Variants in RNF115 observed in about 807,000 individuals in gnomAD.
The protein encoded by RNF115 is E3 ubiquitin-protein ligase RNF115.
A neutral mutation model predicts 39.2 loss-of-function variants in RNF115; 31 were observed. The observed-to-expected ratio is 0.79, with a 90% CI of 0.59 to 1.07. The LOEUF (loss-of-function observed/expected upper bound fraction) is 1.07, where lower values mean the gene tolerates loss of function less well. RNF115 is among the 50% of genes least tolerant of loss of function. The probability of loss-of-function intolerance (pLI) is 0.00; values close to 1 mark genes in which losing one functional copy is unlikely to be tolerated. For synonymous variants in RNF115, 124 were observed against 131.0 expected, an observed-to-expected ratio of 0.95 and a Z score of 0.37; for missense variants, 384 against 381.7, an observed-to-expected ratio of 1.01 and a Z score of -0.05.
intron 3 of RNF115, among the ~76,000 whole-genome samples, chr1:145,780,492 C>T (rs1390538849): frequency 5.3e-5 from 8 of 151,138 alleles, no homozygotes; most frequent in African/African-American, 1.2e-4. Context: ...TGGTGGCACG[C>T]GCCTGTGGTC....
chr1:145,816,406 G>A (rs2101611853), intron 1 of RNF115, among the ~76,000 whole-genome samples: 1 of 50,382 alleles, frequency 2.0e-5, no homozygotes, highest in South Asian at 9.2e-4. Context: ...TATCTGAGTG[G>A]ATCCAACCCA....
intron 4 of RNF115, among the ~76,000 whole-genome samples, chr1:145,755,684 G>T (rs782414983): frequency 3.3e-5 from 5 of 152,126 alleles, no homozygotes; most frequent in Non-Finnish European, 7.4e-5. Flanking sequence ...CAGTGGGGCA[G>T]AAGTTAAAAG....
intron 1 of RNF115, among the ~76,000 whole-genome samples, chr1:145,795,247 C>T (rs1648916902): frequency 6.6e-6 from 1 of 151,998 alleles, no homozygotes; most frequent in Admixed American, 6.6e-5. Flanking sequence ...GCCACAGACC[C>T]TCCAGGTGAG....
intron 4 of RNF115, among the ~76,000 whole-genome samples, chr1:145,757,296 G>A (rs1170053566): frequency 6.6e-6 from 1 of 152,000 alleles, no homozygotes; most frequent in Admixed American, 6.6e-5. Context: ...CAGCTTTTTG[G>A]GGGACACAAT....
At chr1:145,808,323 C>T (rs1312872119) in intron 1 of RNF115, among the ~76,000 whole-genome samples, 4 of 152,036 alleles carry the variant, frequency 2.6e-5, no homozygotes, top group Non-Finnish European at 5.9e-5. Context: ...TTAAGAGTTC[C>T]CTTTCTTCCA....
chr1:145,799,783 T>A (rs587610130), intron 1 of RNF115, among the ~76,000 whole-genome samples: 1 of 152,090 alleles, frequency 6.6e-6, no homozygotes, highest in Non-Finnish European at 1.5e-5. Flanking sequence ...TTGCAGAGAT[T>A]AGGTCTCACT....
chr1:145,792,210 G>A (rs1553719095), intron 1 of RNF115, among the ~76,000 whole-genome samples: 1 of 152,170 alleles, frequency 6.6e-6, no homozygotes, highest in Admixed American at 6.5e-5. Context: ...GAAACACTGT[G>A]CCCAGTTCAA....
chr1:145,754,236 T>C (rs1313615426), intron 4 of RNF115, among the ~76,000 whole-genome samples: 1 of 152,216 alleles, frequency 6.6e-6, no homozygotes, highest in East Asian at 1.9e-4. Flanking sequence ...TATGTATGCA[T>C]TGTGGAATGA....
chr1:145,751,533 A>G (rs1658088530), intron 5 of RNF115, 23 bp from the exon 6 acceptor site: 2 of 1,554,324 alleles, frequency 1.3e-6, no homozygotes, highest in Non-Finnish European at 8.8e-7. Flanking sequence ...TGAGATAGAC[A>G]GCATTAGATG....
rs1344639025 is a variant in RNF115 at position 145,767,188 on chromosome 1, C to T, written c.428+4523G>A. Among the ~76,000 whole-genome samples the T allele has an allele frequency of 1.3e-4, 20 of 151,028 alleles. 1 individual carries two copies. Among genetic ancestry groups the T allele is most frequent in the Non-Finnish European group, 2.4e-4 (16 of 67,672 alleles). On this transcript the variant is annotated intron_variant, in intron 4 of 8. Transcript: ENST00000582693. ...CTCACCTCCCGGACGGGGTGGCTGC[C>T]GGGCGGAGACGCTCCTCACTTCCCA...
chr1:145,766,201 C>T (rs1233272171), intron 4 of RNF115, among the ~76,000 whole-genome samples: 5 of 152,164 alleles, frequency 3.3e-5, no homozygotes, highest in Non-Finnish European at 5.9e-5. Flanking sequence ...TGACTCTTAA[C>T]AAGCATGCTG....
At chr1:145,820,406 C>A (rs1559136119) in intron 1 of RNF115, among the ~76,000 whole-genome samples, 1 of 151,452 alleles carries the variant, frequency 6.6e-6, no homozygotes, top group Non-Finnish European at 1.5e-5. Context: ...TCAAGAACAG[C>A]CTGGGCAACA....
chr1:145,781,766 C>G (rs1648157835), intron 3 of RNF115, among the ~76,000 whole-genome samples: 1 of 152,202 alleles, frequency 6.6e-6, no homozygotes, highest in Non-Finnish European at 1.5e-5. Flanking sequence ...CTCAGGCAAT[C>G]TGGTTCCAGA....
intron 1 of RNF115, among the ~76,000 whole-genome samples, chr1:145,822,368 G>T (rs1334200667): frequency 6.7e-6 from 1 of 150,088 alleles, no homozygotes; most frequent in Non-Finnish European, 1.5e-5. Flanking sequence ...ATGAAACTAT[G>T]ACTCTGAAGT....
In RNF115 at chr1:145,740,839, T is replaced by G. The variant is rs1657670842; in HGVS notation, c.*6027A>C. ...ATCAAGTTGTTGGAAGGGAATCTAA[T>G]AATTTGGGGGTTTTTGTTTTGAGAC... On this transcript the variant is annotated 3_prime_UTR_variant, in exon 9 of 9. Transcript: ENST00000582693. 6.6e-6 allele frequency: 1 copy of G among 152,164 alleles called. No homozygotes were observed. Among genetic ancestry groups the G allele is most frequent in the South Asian group, 2.1e-4 (1 of 4,820 alleles). The allele number at this position is 152,164 out of a possible 1,614,324, so 9.4% of individuals were successfully genotyped here. A position where few individuals can be genotyped will look rare whatever the true frequency, so the allele number is the denominator to read the frequency against.
At chr1:145,805,093 T>C (rs917228654) in intron 1 of RNF115, among the ~76,000 whole-genome samples, 2 of 152,124 alleles carry the variant, frequency 1.3e-5, no homozygotes, top group African/African-American at 2.4e-5. Context: ...AAAAGTACTA[T>C]TTTACCATGT....
At chr1:145,750,903 G>C (rs1259212929) in intron 6 of RNF115, among the ~76,000 whole-genome samples, 2 of 152,140 alleles carry the variant, frequency 1.3e-5, no homozygotes, top group East Asian at 3.9e-4. Context: ...CCAAGAAATA[G>C]GTAAATTACT....
At chr1:145,774,078 C>A (rs1289100043) in intron 3 of RNF115, among the ~76,000 whole-genome samples, 1 of 152,128 alleles carries the variant, frequency 6.6e-6, no homozygotes, top group Non-Finnish European at 1.5e-5. Flanking sequence ...CCTTTGATTA[C>A]CTTTCCAGAG....
intron 4 of RNF115, among the ~76,000 whole-genome samples, chr1:145,765,810 G>T (rs1177110862): frequency 3.9e-5 from 6 of 152,164 alleles, no homozygotes; most frequent in Non-Finnish European, 7.4e-5. Context: ...TTTGCAGAAT[G>T]AATGAACAAT....
Sources: allele counts gnomAD v4.1 joint callset (sites outside exome capture counted in the v4.1 genomes callset), GRCh38; gene constraint gnomAD v4.1.1; transcripts MANE v1.5; gene names NCBI Gene and HGNC (gene_info 2026-07-23, HGNC 2026-07-21).